FNIP1: variants seen among roughly 807,000 people sequenced by gnomAD.
The protein encoded by FNIP1 is folliculin-interacting protein 1.
Under a neutral mutation model 124.5 loss-of-function variants are expected in FNIP1, and 40 were observed. The ratio of observed to expected loss-of-function variants is 0.32; its 90% confidence interval spans 0.25 to 0.42. The LOEUF (loss-of-function observed/expected upper bound fraction) is 0.42. FNIP1 is among the 10% of genes least tolerant of loss of function. FNIP1 has a pLI of 1.00. For missense variants in FNIP1, 1,176 were observed against 1,403.7 expected (o/e 0.84, Z 2.59); for synonymous variants, 472 against 470.6 (o/e 1.00, Z -0.04).
intron 1 of FNIP1, among the ~76,000 whole-genome samples, chr5:131,785,157 T>C (rs1282503181): frequency 1.2e-5 from 1 of 86,528 alleles, no homozygotes; most frequent in Non-Finnish European, 2.6e-5. Flanking sequence ...ATATATATGA[T>C]ATATATGACT....
chr5:131,721,623 C>G (rs1294034684), intron 3 of FNIP1, among the ~76,000 whole-genome samples: 1 of 152,078 alleles, frequency 6.6e-6, no homozygotes, highest in Non-Finnish European at 1.5e-5. Flanking sequence ...ATGGTGAAAC[C>G]CCATCTCTGC....
intron 1 of FNIP1, among the ~76,000 whole-genome samples, chr5:131,761,983 G>A (rs1262724196): frequency 6.6e-6 from 1 of 152,096 alleles, no homozygotes; most frequent in Non-Finnish European, 1.5e-5. Flanking sequence ...TTCCAACAAA[G>A]CTGCCAAGAA....
intron 1 of FNIP1, 95 bp downstream of exon 1, chr5:131,796,735 T>A: frequency 3.3e-6 from 4 of 1,195,490 alleles, no homozygotes; most frequent in Non-Finnish European, 4.6e-6. Context: ...GCGCGGCGCT[T>A]CCGCTCGGGT....
At chr5:131,693,015 T>G (rs1017233441) in intron 11 of FNIP1, among the ~76,000 whole-genome samples, 2 of 148,782 alleles carry the variant, frequency 1.3e-5, no homozygotes, top group Non-Finnish European at 3.0e-5. Flanking sequence ...AAAAAAAAAA[T>G]AAATTTAAAA....
At chr5:131,737,713 G>A (rs1478703240) in intron 2 of FNIP1, among the ~76,000 whole-genome samples, 3 of 152,256 alleles carry the variant, frequency 2.0e-5, no homozygotes, top group East Asian at 1.9e-4. Flanking sequence ...AAGTGCTAAC[G>A]TGAGTTAGCT....
intron 11 of FNIP1, among the ~76,000 whole-genome samples, chr5:131,680,507 A>G (rs1233130028): frequency 6.6e-6 from 1 of 152,246 alleles, no homozygotes; most frequent in African/African-American, 2.4e-5. Flanking sequence ...AGCTTATTAC[A>G]GGTGTCCAGA....
At chr5:131,654,568 C>A (rs967710680) in intron 15 of FNIP1, among the ~76,000 whole-genome samples, 1 of 151,990 alleles carries the variant, frequency 6.6e-6, no homozygotes, top group Non-Finnish European at 1.5e-5. Context: ...TGAGGGAGAT[C>A]AAAATAAATA....
At position 131,796,667 on chromosome 5, in the gene FNIP1, C is replaced by G; in HGVS notation, c.92+163G>C. 4 of 639,642 alleles carry G rather than the reference C, an allele frequency of 6.3e-6. No homozygotes were observed. The South Asian group carries it at 8.1e-5, about 13-fold the overall frequency. 39.6% of individuals were successfully genotyped at this position (639,642 alleles called of 1,614,324 possible). ...AATAAAAGGTAGGACCTCGCTCCAA[C>G]CCTTCGGCGCTAGCCCGCAGCCGGC... On this transcript the variant is annotated intron_variant, in intron 1 of 17. Coordinates refer to ENST00000510461, the MANE Select transcript of FNIP1 (RefSeq NM_133372.3).
intron 2 of FNIP1, among the ~76,000 whole-genome samples, chr5:131,735,475 A>G (rs1303247537): frequency 6.7e-6 from 1 of 149,058 alleles, no homozygotes; most frequent in Non-Finnish European, 1.5e-5. Context: ...ATACACACAT[A>G]CGTATATATG....
chr5:131,772,489 T>C (rs1771672419), intron 1 of FNIP1, among the ~76,000 whole-genome samples: 1 of 151,714 alleles, frequency 6.6e-6, no homozygotes, highest in Admixed American at 6.6e-5. Flanking sequence ...TTTCAAAATC[T>C]CTCACCCCAA....
At chr5:131,737,525 T>C (rs936782963) in intron 2 of FNIP1, among the ~76,000 whole-genome samples, 2 of 152,216 alleles carry the variant, frequency 1.3e-5, no homozygotes, top group African/African-American at 4.8e-5. Flanking sequence ...TAACGCATTT[T>C]TCCCCCATAG....
intron 5 of FNIP1, among the ~76,000 whole-genome samples, chr5:131,717,291 T>C (rs1234372349): frequency 6.6e-6 from 1 of 152,172 alleles, no homozygotes; most frequent in Non-Finnish European, 1.5e-5. Context: ...TCCAGCTTCA[T>C]CCATGTCCCT....
chr5:131,704,313 T>C, intron 9 of FNIP1, 47 bp from the exon 10 acceptor site: 1 of 1,442,514 alleles, frequency 6.9e-7, no homozygotes, highest in Non-Finnish European at 9.4e-7. Flanking sequence ...TAAAAATAAA[T>C]TCACAATTTA....
intron 3 of FNIP1, among the ~76,000 whole-genome samples, chr5:131,724,449 C>T (rs1442110695): frequency 6.6e-6 from 1 of 152,166 alleles, no homozygotes; most frequent in Non-Finnish European, 1.5e-5. Context: ...ATTTGCATTT[C>T]TCTGGTGACC....
chr5:131,744,650 T>C lies in FNIP1; in HGVS notation c.133A>G (p.Ile45Val), dbSNP rs1426842064. The C allele has an allele frequency of 6.2e-7, 1 of 1,611,172 alleles. No individual in the cohort carries two copies. Among genetic ancestry groups the C allele is most frequent in the Admixed American group, 1.7e-5 (1 of 59,600 alleles). The part of the protein sequence containing the change: ...PEFDPSQIRL[I>V]VYQDCERRGR... ...CGTCTTTCACAGTCTTGATATACAA[T>C]CAGTCGAATCTGGCTTGGATCAAAC... The change falls in exon 2 of 18, where the codon ATT becomes GTT. Residue 45 changes from isoleucine to valine, a missense_variant. Coordinates refer to ENST00000510461, the MANE Select transcript of FNIP1 (RefSeq NM_133372.3).
chr5:131,644,608 C>A lies in FNIP1; in HGVS notation c.*77G>T. On this transcript the variant is annotated 3_prime_UTR_variant, in exon 18 of 18. Coordinates refer to ENST00000510461, the MANE Select transcript of FNIP1 (RefSeq NM_133372.3). Reference sequence around the variant, plus strand: ...TGGAAGTCTAAAAGGGAAAAAGAATCTCCATAAATGCATGTTGTGTCTGCT... The same window carrying A: ...TGGAAGTCTAAAAGGGAAAAAGAATATCCATAAATGCATGTTGTGTCTGCT... 8.0e-7 allele frequency: 1 copy of A among 1,248,738 alleles called. No individual in the cohort carries two copies. The highest frequency in any genetic ancestry group is 1.2e-6 in the Non-Finnish European group (1 of 856,336). The allele number at this position is 1,248,738 out of a possible 1,614,324, so 77.4% of individuals were successfully genotyped here. A position where few individuals can be genotyped will look rare whatever the true frequency, so the allele number is the denominator to read the frequency against.
intron 15 of FNIP1, among the ~76,000 whole-genome samples, chr5:131,659,718 T>C (rs1462020456): frequency 6.6e-6 from 1 of 152,186 alleles, no homozygotes; most frequent in Non-Finnish European, 1.5e-5. Flanking sequence ...TGGATGGCCA[T>C]ATACACGGCT....
At chr5:131,689,816 T>C (rs936025958) in intron 11 of FNIP1, among the ~76,000 whole-genome samples, 9 of 152,218 alleles carry the variant, frequency 5.9e-5, no homozygotes, top group African/African-American at 1.9e-4. Flanking sequence ...CTATATCAAT[T>C]ATCACTTCAA....
At chr5:131,739,565 G>A (rs1770437884) in intron 2 of FNIP1, among the ~76,000 whole-genome samples, 1 of 152,058 alleles carries the variant, frequency 6.6e-6, no homozygotes, top group African/African-American at 2.4e-5. Flanking sequence ...CGTAATCCCA[G>A]CACTTTGGGA....
Sources: allele counts gnomAD v4.1 joint callset (sites outside exome capture counted in the v4.1 genomes callset), GRCh38; gene constraint gnomAD v4.1.1; transcripts MANE v1.5; gene names NCBI Gene and HGNC (gene_info 2026-07-23, HGNC 2026-07-21).